HMGN5: variants seen among roughly 807,000 people sequenced by gnomAD.
HMGN5 encodes the protein high mobility group nucleosome-binding domain-containing protein 5.
A neutral mutation model predicts 9.5 loss-of-function variants in HMGN5; 4 were observed. The observed-to-expected ratio is 0.42, with a 90% CI of 0.21 to 0.96. HMGN5 has a LOEUF of 0.96. Ranked by LOEUF, HMGN5 falls within the 40% of genes least tolerant of loss-of-function variation. The pLI, the probability that HMGN5 is intolerant of heterozygous loss-of-function variation, is 0.30. For missense variants in HMGN5, 192 were observed against 187.5 expected, an observed-to-expected ratio of 1.02 and a Z score of -0.14; for synonymous variants, 55 against 57.1, an observed-to-expected ratio of 0.96 and a Z score of 0.16.
At chrX:81,166,308 A>AG (rs2075411241) in intron 1 of HMGN5, among the ~76,000 whole-genome samples, 2 of 111,577 alleles carry the variant, frequency 1.8e-5, no homozygotes, top group Admixed American at 9.6e-5. Context: ...CTATTATGGT[A>AG]ATGAGAGAAT....
At position 81,158,003 on chromosome X, in the gene HMGN5, A is replaced by G. The variant is rs570070211; in HGVS notation, c.-123-36331T>C. On this transcript the variant is annotated intron_variant, in intron 1 of 6. Transcript: ENST00000358130. ...CACCATGTTAGCCAGGATGGTCTCG[A>G]TCTCCTGACCTTGTGATCTGCCTGC... Among the ~76,000 whole-genome samples the G allele has an allele frequency of 9.0e-5, 10 of 110,627 alleles. No homozygotes were observed. In the South Asian group the frequency reaches 3.1e-3, roughly 34 times the overall value.
At chrX:81,183,526 G>C (rs1223579373) in intron 1 of HMGN5, among the ~76,000 whole-genome samples, 3 of 112,864 alleles carry the variant, frequency 2.7e-5, no homozygotes, top group Admixed American at 9.3e-5. Flanking sequence ...AGCCATGGTG[G>C]CTTCCATGTT....
intron 1 of HMGN5, among the ~76,000 whole-genome samples, chrX:81,122,634 G>A (rs2075272416): frequency 9.0e-6 from 1 of 111,642 alleles, no homozygotes; most frequent in South Asian, 3.7e-4. Context: ...CAAGAATTTT[G>A]ATATTTAAAA....
At chrX:81,181,572 A>G (rs757125613) in intron 1 of HMGN5, among the ~76,000 whole-genome samples, 1 of 111,901 alleles carries the variant, frequency 8.9e-6, no homozygotes, top group East Asian at 2.8e-4. Context: ...GAACCCATTA[A>G]CCATCCCAAC....
chrX:81,172,717 C>A (rs911605850), intron 1 of HMGN5, among the ~76,000 whole-genome samples: 1 of 110,404 alleles, frequency 9.1e-6, no homozygotes, highest in Admixed American at 9.7e-5. Flanking sequence ...TTTACATGAT[C>A]ATAAAACATA....
At chrX:81,143,796 G>A (rs2075335794) in intron 1 of HMGN5, among the ~76,000 whole-genome samples, 1 of 112,191 alleles carries the variant, frequency 8.9e-6, no homozygotes, top group South Asian at 3.7e-4. Flanking sequence ...CACCTGGGAT[G>A]CTCAAGCTTG....
chrX:81,140,037 G>A (rs4576558), intron 1 of HMGN5, among the ~76,000 whole-genome samples: 18,094 of 111,308 alleles, frequency 0.16, 1,582 homozygotes, highest in East Asian at 0.73. Context: ...ATTGGCATCA[G>A]CCCTCCCCTA....
chrX:81,119,914 C>T (rs891976965), intron 2 of HMGN5, 97 bp from the exon 3 acceptor site: 2 of 764,332 alleles, frequency 2.6e-6, no homozygotes, highest in African/African-American at 4.2e-5. Context: ...AATATAATTG[C>T]TTATTACTTT....
At chrX:81,128,295 C>T (rs1285133476) in intron 1 of HMGN5, among the ~76,000 whole-genome samples, 1 of 111,192 alleles carries the variant, frequency 9.0e-6, no homozygotes, top group Non-Finnish European at 1.9e-5. Context: ...AATGGACATG[C>T]TCAATTCTCA....
At chrX:81,153,941 A>G (rs1343997641) in intron 1 of HMGN5, among the ~76,000 whole-genome samples, 1 of 108,486 alleles carries the variant, frequency 9.2e-6, no homozygotes, top group Non-Finnish European at 1.9e-5. Context: ...TGTCCACACT[A>G]CCCTAAGCAA....
chrX:81,135,106 A>AAT (rs1397026536), intron 1 of HMGN5, among the ~76,000 whole-genome samples: 1 of 111,816 alleles, frequency 8.9e-6, no homozygotes, highest in African/African-American at 3.2e-5. Context: ...CACTCAATAA[A>AAT]AGAAAAACAG....
chrX:81,154,898 T>G, intron 1 of HMGN5, among the ~76,000 whole-genome samples: 1 of 107,970 alleles, frequency 9.3e-6, no homozygotes, highest in East Asian at 2.9e-4. Flanking sequence ...GTAAAGAAAA[T>G]GGAACCCTTG....
intron 1 of HMGN5, among the ~76,000 whole-genome samples, chrX:81,186,390 G>A (rs1187005947): frequency 1.8e-5 from 2 of 111,717 alleles, no homozygotes; most frequent in Non-Finnish European, 3.8e-5. Flanking sequence ...TTTTCCAATT[G>A]GCATATGGTT....
At chrX:81,162,812 C>CTTGGAGGAGGGAA (rs1454478046) in intron 1 of HMGN5, among the ~76,000 whole-genome samples, 1 of 111,119 alleles carries the variant, frequency 9.0e-6, no homozygotes, top group Non-Finnish European at 1.9e-5. Context: ...ACTTAGAGGT[C>CTTGGAGGAGGGAA]TTGGAGGAGG....
chrX:81,116,373 T>C (rs1448476873), intron 5 of HMGN5, 32 bp from the exon 6 acceptor site: 3 of 1,046,170 alleles, frequency 2.9e-6, no homozygotes, highest in Non-Finnish European at 3.9e-6. Flanking sequence ...TGAAAGTAAA[T>C]ATACAATTTA....
intron 1 of HMGN5, among the ~76,000 whole-genome samples, chrX:81,155,075 GTATATATATATA>G (rs761895749): frequency 1.4e-5 from 1 of 68,982 alleles, no homozygotes; most frequent in Non-Finnish European, 2.8e-5. Flanking sequence ...GTATATATCA[GTATATATATATA>G]TATATATATA....
intron 1 of HMGN5, among the ~76,000 whole-genome samples, chrX:81,152,644 G>A (rs915058395): frequency 5.4e-5 from 6 of 110,757 alleles, no homozygotes; most frequent in African/African-American, 2.0e-4. Context: ...CCCATTACTC[G>A]GTATATGCCC....
At chrX:81,166,675 G>A (rs143004295) in intron 1 of HMGN5, among the ~76,000 whole-genome samples, 58 of 111,761 alleles carry the variant, frequency 5.2e-4, no homozygotes, top group East Asian at 2.0e-3. Context: ...AATGCCTTCC[G>A]CAACTGGAAG....
At chrX:81,194,657 T>A (rs1414734926) in intron 1 of HMGN5, among the ~76,000 whole-genome samples, 2 of 111,857 alleles carry the variant, frequency 1.8e-5, no homozygotes, top group African/African-American at 6.5e-5. Context: ...ATTATGACAT[T>A]CAATTCTGGG....
Sources: allele counts gnomAD v4.1 joint callset (sites outside exome capture counted in the v4.1 genomes callset), GRCh38; gene constraint gnomAD v4.1.1; transcripts MANE v1.5; gene names NCBI Gene and HGNC (gene_info 2026-07-23, HGNC 2026-07-21).